Variants in TTLL4 observed in about 807,000 individuals in gnomAD.
TTLL4 encodes the protein tubulin monoglutamylase TTLL4.
TTLL4 carries 85 observed loss-of-function variants against 122.7 expected under a neutral mutation model. That is an observed-to-expected ratio of 0.69 (90% confidence interval 0.58 to 0.83). TTLL4 has a LOEUF of 0.83. Among genes scored for constraint, TTLL4 ranks in the 40% least tolerant of loss-of-function variants. The probability of loss-of-function intolerance (pLI) is 0.00; values close to 1 mark genes in which losing one functional copy is unlikely to be tolerated. For synonymous variants in TTLL4, 553 were observed against 563.0 expected (o/e 0.98, Z 0.25); for missense variants, 1,363 against 1,488.6 (o/e 0.92, Z 1.39).
Position 218,747,206 on chromosome 2 carries a change from A to G in TTLL4, c.2166+12A>G. 1 of 1,614,188 alleles carries G rather than the reference A, an allele frequency of 6.2e-7. No individual in the cohort carries two copies. Among genetic ancestry groups the G allele is most frequent in the East Asian group, 2.2e-5 (1 of 44,876 alleles). On this transcript the variant is annotated intron_variant, in intron 9 of 19. Transcript: ENST00000392102. The surrounding 1 kb of genome is among the most constrained non-coding windows in gnomAD (Gnocchi z 4.7). The stretch of plus-strand genomic sequence containing the variant: ...GGATTGTGAAGCCAGTGAGTGAATC[A>G]CAGTGGGCAGGAGACTATGGTCTGT...
chr2:218,742,205 A>G lies in TTLL4; in HGVS notation c.1661+1621A>G, dbSNP rs1461863507. Among the ~76,000 whole-genome samples the G allele has an allele frequency of 1.4e-4, 22 of 152,126 alleles. 1 individual carries two copies. Among genetic ancestry groups the G allele is most frequent in the Admixed American group, 1.4e-3 (22 of 15,268 alleles). ...AGGCTTGTCTTGAACTCTGGCCTCA[A>G]GTAATCCTCTTGCTTTAGCCTCCCA... On this transcript the variant is annotated intron_variant, in intron 5 of 19. Transcript: ENST00000392102.
chr2:218,743,921 C>T (rs530525066), intron 5 of TTLL4, among the ~76,000 whole-genome samples: 6 of 152,308 alleles, frequency 3.9e-5, no homozygotes, highest in Admixed American at 2.0e-4. Context: ...TCGGGTGATC[C>T]GCCTGCCTCA....
At chr2:218,745,962 A>G (rs1942831940) in intron 7 of TTLL4, 161 bp downstream of exon 7, 1 of 871,454 alleles carries the variant, frequency 1.1e-6, no homozygotes, top group African/African-American at 1.7e-5. Flanking sequence ...TCCTGGACTG[A>G]GCCTGTTGTT....
chr2:218,738,569 C>A lies in TTLL4; in HGVS notation c.893C>A (p.Thr298Asn), dbSNP rs958139507. ...STASSHDTST[T>N]SVASSWYNRN... Reference sequence around the variant, plus strand: ...GCTAGCTCCCACGACACATCCACCACCAGTGTTGCCTCTTCCTGGTATAAC... The same window carrying A: ...GCTAGCTCCCACGACACATCCACCAACAGTGTTGCCTCTTCCTGGTATAAC... The change falls in exon 3 of 20, where the codon ACC becomes AAC. Residue 298 changes from threonine to asparagine, a missense_variant. Transcript: ENST00000392102. The A allele has an allele frequency of 5.0e-6, 8 of 1,614,074 alleles. No individual in the cohort carries two copies. The African/African-American group carries it at 9.3e-5, about 19-fold the overall frequency.
At position 218,747,990 on chromosome 2, in the gene TTLL4, A is replaced by G. The variant is rs1942894728; in HGVS notation, c.2379-115A>G. 15 of 1,410,692 alleles carry G rather than the reference A, an allele frequency of 1.1e-5. No individual in the cohort carries two copies. In the East Asian group the frequency reaches 3.2e-4, roughly 30 times the overall value. 87.4% of individuals were successfully genotyped at this position (1,410,692 alleles called of 1,614,324 possible). A position where few individuals can be genotyped will look rare whatever the true frequency, so the allele number is the denominator to read the frequency against. On this transcript the variant is annotated intron_variant, in intron 11 of 19. Transcript: ENST00000392102. The surrounding 1 kb of genome is among the most constrained non-coding windows in gnomAD (Gnocchi z 4.7). ...ACACACTTCTCAGGCTCTTGTGGCT[A>G]TGAAAAGATCTGTGTACTTGTTCTA...
chr2:218,714,379 C>T (rs1353578040), intron 1 of TTLL4, among the ~76,000 whole-genome samples: 1 of 152,210 alleles, frequency 6.6e-6, no homozygotes, highest in Non-Finnish European at 1.5e-5. Flanking sequence ...TTGGATTTAG[C>T]TTTCTCACTA....
At chr2:218,752,647 A>G in intron 16 of TTLL4, 116 bp from the exon 17 acceptor site, 2 of 1,054,456 alleles carry the variant, frequency 1.9e-6, no homozygotes, top group Non-Finnish European at 2.8e-6. Flanking sequence ...TAGTTCCATG[A>G]GAGTCCCGGA....
chr2:218,746,784 C>T (rs558131292), intron 8 of TTLL4: 22 of 566,662 alleles, frequency 3.9e-5, no homozygotes, highest in Non-Finnish European at 5.0e-5. Flanking sequence ...AGGTGAATAT[C>T]ACATCTGGCT....
intron 19 of TTLL4, 124 bp from the exon 20 acceptor site, chr2:218,754,010 A>G (rs1279067341): frequency 1.5e-6 from 2 of 1,359,808 alleles, no homozygotes; most frequent in African/African-American, 2.9e-5. Flanking sequence ...TTACATTTCC[A>G]TGTAATTTTG....
chr2:218,722,198 T>A (rs1435930941), intron 1 of TTLL4, among the ~76,000 whole-genome samples: 1 of 152,110 alleles, frequency 6.6e-6, no homozygotes, highest in Non-Finnish European at 1.5e-5. Flanking sequence ...AGGAGGACCA[T>A]GAGCCCAGGA....
intron 2 of TTLL4, among the ~76,000 whole-genome samples, chr2:218,736,849 C>CTT (rs776690140): frequency 0.047 from 6,495 of 139,388 alleles, 445 homozygotes; most frequent in African/African-American, 0.14. Context: ...TTCAGATCGT[C>CTT]TTTTTTTTTT....
At chr2:218,751,893 T>A in intron 16 of TTLL4, 87 bp downstream of exon 16, 1 of 867,336 alleles carries the variant, frequency 1.2e-6, no homozygotes, top group Non-Finnish European at 1.6e-6. Context: ...TTTTCTTTTT[T>A]TTTTTCTTTT....
At chr2:218,742,874 G>A (rs565252627) in intron 5 of TTLL4, among the ~76,000 whole-genome samples, 1 of 152,286 alleles carries the variant, frequency 6.6e-6, no homozygotes, top group South Asian at 2.1e-4. Flanking sequence ...TGTAACCCCA[G>A]CACTTTGGGA....
intron 15 of TTLL4, 71 bp from the exon 16 acceptor site, chr2:218,751,633 C>G: frequency 1.3e-6 from 2 of 1,568,616 alleles, no homozygotes; most frequent in Non-Finnish European, 1.7e-6. Context: ...TGGGCTGGAC[C>G]TCCTCCATAT....
chr2:218,754,114 T>G lies in TTLL4; in HGVS notation c.3345-20T>G, dbSNP rs752595853. ...TTAAACAGTGTCTCAGTCATTTCTT[T>G]CACCACCTATTCCCTCCAGAAAACA... On this transcript the variant is annotated intron_variant, in intron 19 of 19. Transcript: ENST00000392102. The G allele has an allele frequency of 6.8e-6, 11 of 1,613,512 alleles. No individual in the cohort carries two copies. Among genetic ancestry groups the G allele is most frequent in the Non-Finnish European group, 9.3e-6 (11 of 1,179,780 alleles).
chr2:218,711,237 C>G (rs1228583627), intron 1 of TTLL4, among the ~76,000 whole-genome samples, 200 bp downstream of exon 1: 1 of 152,228 alleles, frequency 6.6e-6, no homozygotes, highest in African/African-American at 2.4e-5. Context: ...GGACTTCGCG[C>G]CTCCTCGGAG....
chr2:218,748,153 C>T lies in TTLL4; in HGVS notation c.2427C>T (p.Thr809=). The change falls in exon 12 of 20, where the codon ACC becomes ACT. Residue 809 remains threonine, a synonymous_variant. Transcript: ENST00000392102. ...TTGGCAATAAGTTCATGCACCTGAC[C>T]AACTACAGTGTCAATAAAAAGAATG... ...KSLGNKFMHL[T]NYSVNKKNAE... 6.2e-7 allele frequency: 1 copy of T among 1,614,092 alleles called. No homozygotes were observed. The highest frequency in any genetic ancestry group is 1.6e-4 in the Middle Eastern group (1 of 6,062).
downstream of TTLL4, among the ~76,000 whole-genome samples, chr2:218,756,696 A>G (rs1175365560): frequency 1.3e-5 from 2 of 152,340 alleles, no homozygotes; most frequent in East Asian, 1.9e-4. Context: ...GTATAGTAGA[A>G]TAAATATTTG....
intron 1 of TTLL4, among the ~76,000 whole-genome samples, chr2:218,716,063 T>C (rs1941848542): frequency 6.6e-6 from 1 of 152,234 alleles, no homozygotes; most frequent in African/African-American, 2.4e-5. Context: ...CAGTTTATTG[T>C]ATAGTGTCAA....
Sources: allele counts gnomAD v4.1 joint callset (sites outside exome capture counted in the v4.1 genomes callset), GRCh38; gene constraint gnomAD v4.1.1; non-coding constraint Gnocchi (gnomAD v3.1); transcripts MANE v1.5; gene names NCBI Gene and HGNC (gene_info 2026-07-23, HGNC 2026-07-21).